Variants in SCN8A observed in about 807,000 individuals in gnomAD.
SCN8A encodes sodium voltage-gated channel alpha subunit 8.
A neutral mutation model predicts 184.1 loss-of-function variants in SCN8A; 30 were observed. The ratio of observed to expected loss-of-function variants is 0.16; its 90% CI spans 0.12 to 0.22. The LOEUF (loss-of-function observed/expected upper bound fraction) is 0.22, where lower values mean the gene tolerates loss of function less well. Among genes scored for constraint, SCN8A ranks in the 10% least tolerant of loss-of-function variants. The pLI, the probability that SCN8A is intolerant of heterozygous loss-of-function variation, is 1.00. For synonymous variants in SCN8A, 852 were observed against 907.0 expected, an observed-to-expected ratio of 0.94 and a Z score of 1.09; for missense variants, 1,057 against 2,498.9, an observed-to-expected ratio of 0.42 and a Z score of 12.30.
At chr12:51,717,914 A>G (rs973809953) in intron 11 of SCN8A, among the ~76,000 whole-genome samples, 1 of 152,220 alleles carries the variant, frequency 6.6e-6, no homozygotes, top group African/African-American at 2.4e-5. Context: ...GTCCCCAGTG[A>G]TCAAATTCAT....
intron 1 of SCN8A, among the ~76,000 whole-genome samples, chr12:51,610,243 T>C (rs1408327628): frequency 6.6e-6 from 1 of 151,984 alleles, no homozygotes; most frequent in Non-Finnish European, 1.5e-5. Context: ...GAAATGCCTT[T>C]TTCCACCTGT....
chr12:51,680,436 T>A (rs1434747974), intron 2 of SCN8A, among the ~76,000 whole-genome samples: 1 of 152,242 alleles, frequency 6.6e-6, no homozygotes, highest in South Asian at 2.1e-4. Context: ...TTCAGAATCC[T>A]ACCTCCTAGT....
intron 1 of SCN8A, among the ~76,000 whole-genome samples, chr12:51,616,011 C>T (rs901022383): frequency 4.6e-5 from 7 of 152,114 alleles, no homozygotes; most frequent in African/African-American, 1.2e-4. Context: ...AGACTACAGG[C>T]GTGAGCCACC....
intron 16 of SCN8A, among the ~76,000 whole-genome samples, chr12:51,766,423 C>T (rs1304334614): frequency 6.6e-6 from 1 of 152,050 alleles, no homozygotes; most frequent in Non-Finnish European, 1.5e-5. Context: ...CTGGATAATT[C>T]TTTGTTGTGG....
chr12:51,767,209 A>G (rs986590741), intron 16 of SCN8A, among the ~76,000 whole-genome samples: 1 of 152,140 alleles, frequency 6.6e-6, no homozygotes, highest in African/African-American at 2.4e-5. Context: ...GGTATGTAGC[A>G]TGATCAACAT....
At chr12:51,775,994 T>C (rs759323145) in intron 20 of SCN8A, among the ~76,000 whole-genome samples, 13 of 152,128 alleles carry the variant, frequency 8.5e-5, no homozygotes, top group Non-Finnish European at 1.5e-5. Context: ...CACATTAGCA[T>C]TTATTTATTT....
chr12:51,740,172 G>A lies in SCN8A; in HGVS notation c.1999-5731G>A, dbSNP rs143729980. 2.9e-4 allele frequency among the ~76,000 whole-genome samples: 44 copies of A among 152,322 alleles called. 1 individual carries two copies. The East Asian group carries it at 6.0e-3, about 21-fold the overall frequency. Reference sequence around the variant, plus strand: ...AAACCCACAACCTTCCAGCTTGGGCGTTAGGGCCATTATGAACATGTTACA... The same window carrying A: ...AAACCCACAACCTTCCAGCTTGGGCATTAGGGCCATTATGAACATGTTACA... On this transcript the variant is annotated intron_variant, in intron 12 of 26. Transcript: ENST00000627620.
At chr12:51,722,038 C>T (rs1371115570) in intron 12 of SCN8A, 130 bp downstream of exon 12, 57 of 1,446,394 alleles carry the variant, frequency 3.9e-5, no homozygotes, top group Admixed American at 8.9e-5. Flanking sequence ...CTTGGTCTGT[C>T]TGGACCCCAC....
rs1938731346 is a variant in SCN8A at position 51,807,253 on chromosome 12, A to G, written c.5767A>G (p.Asn1923Asp). Residue 1923 changes from asparagine (N) to aspartate (D), a missense_variant, in exon 27 of 27, where the codon AAT becomes GAT. Physicochemically the swap from Asn to Asp is conservative, Grantham distance 23. Coordinates refer to ENST00000627620, the MANE Select transcript of SCN8A (RefSeq NM_001330260.2). The surrounding 1 kb of genome is among the most constrained non-coding windows in gnomAD (Gnocchi z 4.5). ...CTTCATCTGCAAAAAGACAACTTCT[A>G]ATAAGCTGGAGAATGGAGGCACACA... is the stretch of plus-strand genomic sequence containing the variant. ...RGFICKKTTS[N>D]KLENGGTHRE... 1.2e-6 allele frequency: 2 copies of G among 1,613,866 alleles called. No homozygotes were observed. The highest frequency in any genetic ancestry group is 1.3e-5 in the African/African-American group (1 of 74,912).
At chr12:51,712,616 T>C (rs1267265261) in intron 11 of SCN8A, 4 of 777,670 alleles carry the variant, frequency 5.1e-6, no homozygotes, top group Non-Finnish European at 9.4e-6. Flanking sequence ...ATCATTATAG[T>C]TCCCACCACC....
chr12:51,637,213 C>G (rs1253111604), intron 1 of SCN8A, among the ~76,000 whole-genome samples: 1 of 152,204 alleles, frequency 6.6e-6, no homozygotes, highest in Admixed American at 6.5e-5. Context: ...CCCCATCTCT[C>G]TCCCTCTCCT....
intron 12 of SCN8A, among the ~76,000 whole-genome samples, chr12:51,731,251 T>G (rs1301363869): frequency 6.6e-6 from 1 of 152,108 alleles, no homozygotes; most frequent in Non-Finnish European, 1.5e-5. Flanking sequence ...TTCTTCTTTT[T>G]TTTTTTGAGA....
intron 1 of SCN8A, among the ~76,000 whole-genome samples, chr12:51,648,250 G>A (rs763024900): frequency 1.9e-4 from 29 of 152,298 alleles, no homozygotes; most frequent in Non-Finnish European, 4.0e-4. Flanking sequence ...GAAGAGCAGT[G>A]GTTATTCACA....
chr12:51,807,684 A>G lies in SCN8A; in HGVS notation c.*255A>G, dbSNP rs755864278. 3.6e-5 allele frequency: 19 copies of G among 529,048 alleles called. No individual in the cohort carries two copies. Among genetic ancestry groups the G allele is most frequent in the Admixed American group, 6.6e-5 (2 of 30,314 alleles). 32.8% of individuals were successfully genotyped at this position (529,048 alleles called of 1,614,324 possible). A position where few individuals can be genotyped will look rare whatever the true frequency, so the allele number is the denominator to read the frequency against. ...GGTTACTGCATGTTCCACATCAGTC[A>G]ATGCAACTTAGGACAAAACTAACCA... On this transcript the variant is annotated 3_prime_UTR_variant, in exon 27 of 27. Transcript: ENST00000627620. This position sits in a 1 kb window ranked among gnomAD's most constrained non-coding sequence, Gnocchi z 4.5.
At chr12:51,719,738 A>T (rs987937329) in intron 11 of SCN8A, among the ~76,000 whole-genome samples, 1 of 150,318 alleles carries the variant, frequency 6.7e-6, no homozygotes, top group African/African-American at 2.5e-5. Context: ...TATGGAAAGG[A>T]AGCATGAAAT....
At chr12:51,701,346 A>G in intron 8 of SCN8A, 139 bp downstream of exon 8, 1 of 468,550 alleles carries the variant, frequency 2.1e-6, no homozygotes, top group Non-Finnish European at 3.7e-6. Flanking sequence ...ATCGGTTGGC[A>G]TAGATTTTCT....
chr12:51,756,619 C>T (rs1335737487), intron 14 of SCN8A, among the ~76,000 whole-genome samples: 3 of 152,236 alleles, frequency 2.0e-5, no homozygotes, highest in Admixed American at 2.0e-4. Context: ...TCCAACTGCC[C>T]ATCCTAGACT....
At chr12:51,801,231 C>T (rs556780086) in intron 26 of SCN8A, among the ~76,000 whole-genome samples, 171 of 152,230 alleles carry the variant, frequency 1.1e-3, no homozygotes, top group African/African-American at 4.0e-3. Context: ...GTTGAGTGCC[C>T]CCACTCAGCC....
At chr12:51,664,904 C>G (rs956990184) in intron 2 of SCN8A, among the ~76,000 whole-genome samples, 5 of 152,142 alleles carry the variant, frequency 3.3e-5, no homozygotes, top group Admixed American at 6.5e-5. Flanking sequence ...TCTGACAGGC[C>G]CCGATGTGTG....
Sources: allele counts gnomAD v4.1 joint callset (sites outside exome capture counted in the v4.1 genomes callset), GRCh38; gene constraint gnomAD v4.1.1; non-coding constraint Gnocchi (gnomAD v3.1); transcripts MANE v1.5; gene names NCBI Gene and HGNC (gene_info 2026-07-23, HGNC 2026-07-21).